Variants in STK38L observed in about 807,000 individuals in gnomAD.
STK38L encodes serine/threonine kinase 38 like.
In STK38L, 28 loss-of-function variants were observed where a neutral mutation model predicts 59.7. The observed-to-expected ratio is 0.47, with a 90% CI of 0.35 to 0.64. The LOEUF is 0.64. Among genes scored for constraint, STK38L ranks in the 30% least tolerant of loss-of-function variants. The pLI is 0.01. For missense variants in STK38L, 314 were observed against 555.8 expected, an observed-to-expected ratio of 0.56 and a Z score of 4.37; for synonymous variants, 162 against 176.8, an observed-to-expected ratio of 0.92 and a Z score of 0.66.
At chr12:27,296,903 G>A (rs1944038631) in intron 1 of STK38L, 2 of 152,192 alleles carry the variant, frequency 1.3e-5, no homozygotes, top group South Asian at 4.1e-4. Context: ...GCGTGGCCCA[G>A]TGATCTCTAA....
chr12:27,284,067 C>T (rs907610901), intron 1 of STK38L, among the ~76,000 whole-genome samples: 8 of 152,200 alleles, frequency 5.3e-5, no homozygotes, highest in African/African-American at 1.4e-4. Flanking sequence ...CTTTGGTCAT[C>T]CGAAGAAAGC....
intron 3 of STK38L, among the ~76,000 whole-genome samples, chr12:27,306,317 C>A (rs796394718): frequency 1.8e-4 from 27 of 151,804 alleles, no homozygotes; most frequent in African/African-American, 5.8e-4. Flanking sequence ...GGGAGAGATT[C>A]AAAATACTTT....
intron 1 of STK38L, among the ~76,000 whole-genome samples, chr12:27,244,763 T>A (rs1942813398): frequency 6.6e-6 from 1 of 152,196 alleles, no homozygotes; most frequent in Non-Finnish European, 1.5e-5. Context: ...TTGTGGGGGC[T>A]GTTTGTGTAC....
chr12:27,320,525 C>G (rs1565558938), intron 12 of STK38L, among the ~76,000 whole-genome samples: 1 of 142,992 alleles, frequency 7.0e-6, no homozygotes, highest in Non-Finnish European at 1.5e-5. Context: ...CTCCTGAGCT[C>G]AAGCGATCCA....
intron 1 of STK38L, among the ~76,000 whole-genome samples, chr12:27,275,609 GATTAC>G (rs1420943301): frequency 6.6e-6 from 1 of 152,160 alleles, no homozygotes; most frequent in Non-Finnish European, 1.5e-5. Context: ...AAACTGTTGG[GATTAC>G]AGGCATGAGC....
At chr12:27,285,252 TTAAAA>T (rs1289985172) in intron 1 of STK38L, among the ~76,000 whole-genome samples, 1 of 152,096 alleles carries the variant, frequency 6.6e-6, no homozygotes, top group African/African-American at 2.4e-5. Context: ...AATTTAAAAA[TTAAAA>T]TTAAGAAATA....
chr12:27,307,023 C>G (rs1944334686), intron 3 of STK38L, among the ~76,000 whole-genome samples: 1 of 152,148 alleles, frequency 6.6e-6, no homozygotes. Flanking sequence ...GCCACCACAC[C>G]CGGCTTATCG....
At chr12:27,283,711 T>C (rs1565536249) in intron 1 of STK38L, among the ~76,000 whole-genome samples, 2 of 152,226 alleles carry the variant, frequency 1.3e-5, no homozygotes, top group Admixed American at 6.5e-5. Context: ...GCAGAAAATA[T>C]CCAGTTTGGA....
chr12:27,268,438 T>G (rs1040086590), intron 1 of STK38L, among the ~76,000 whole-genome samples: 22 of 152,290 alleles, frequency 1.4e-4, no homozygotes, highest in Admixed American at 2.0e-4. Context: ...TCCCTACAAA[T>G]GACATGAACT....
chr12:27,262,187 C>A (rs1943215582), intron 1 of STK38L, among the ~76,000 whole-genome samples: 1 of 148,368 alleles, frequency 6.7e-6, no homozygotes, highest in Non-Finnish European at 1.5e-5. Context: ...TCACAATAGT[C>A]CCTTCTCTTA....
At chr12:27,316,457 C>T (rs916722633) in intron 9 of STK38L, among the ~76,000 whole-genome samples, 1 of 152,174 alleles carries the variant, frequency 6.6e-6, no homozygotes, top group Middle Eastern at 3.2e-3. Context: ...TTATTATTCT[C>T]ATGGCCAGTA....
At chr12:27,277,060 T>A (rs115808599) in intron 1 of STK38L, among the ~76,000 whole-genome samples, 1,778 of 152,302 alleles carry the variant, frequency 0.012, 39 homozygotes, top group African/African-American at 0.04. Context: ...CTTCTAAATA[T>A]GTATAACCCA....
chr12:27,265,026 G>A (rs917090752), intron 1 of STK38L, among the ~76,000 whole-genome samples: 6 of 152,174 alleles, frequency 3.9e-5, no homozygotes, highest in African/African-American at 1.2e-4. Flanking sequence ...TTCATGCACA[G>A]CTTCTAATAG....
At chr12:27,273,620 T>TA (rs1943470686) in intron 1 of STK38L, among the ~76,000 whole-genome samples, 1 of 152,210 alleles carries the variant, frequency 6.6e-6, no homozygotes, top group South Asian at 2.1e-4. Context: ...AACAGAGTGT[T>TA]AGCATTTAAT....
intron 5 of STK38L, among the ~76,000 whole-genome samples, chr12:27,309,937 G>A (rs1252520169): frequency 1.3e-5 from 2 of 152,196 alleles, no homozygotes; most frequent in African/African-American, 4.8e-5. Flanking sequence ...TGTTTCCTGT[G>A]CCTTAATGCA....
Position 27,288,542 on chromosome 12 carries a change from C to T in STK38L, c.-11-9168C>T, listed in dbSNP as rs568565914. ...CCACAATTCAGAGCCATAGTTTAAA[C>T]CTGTTGGCCCCAAATTCTCTAGATC... On this transcript the variant is annotated intron_variant, in intron 1 of 13. Transcript: ENST00000389032. Among the ~76,000 whole-genome samples, 4 of 152,140 alleles carry T rather than the reference C, an allele frequency of 2.6e-5. No homozygotes were observed. The South Asian group carries it at 8.3e-4, about 32-fold the overall frequency.
intron 1 of STK38L, among the ~76,000 whole-genome samples, chr12:27,279,771 GT>G (rs1445778501): frequency 6.6e-6 from 1 of 151,128 alleles, no homozygotes; most frequent in Non-Finnish European, 1.5e-5. Context: ...TTTCCACACG[GT>G]TTATAATGAA....
chr12:27,279,532 C>T (rs1943607408), intron 1 of STK38L, among the ~76,000 whole-genome samples: 1 of 152,042 alleles, frequency 6.6e-6, no homozygotes, highest in Non-Finnish European at 1.5e-5. Context: ...CAAGACCACC[C>T]TGGCCAACAT....
intron 1 of STK38L, among the ~76,000 whole-genome samples, chr12:27,268,198 T>C (rs575464864): frequency 1.8e-4 from 27 of 150,954 alleles, no homozygotes; most frequent in African/African-American, 6.2e-4. Context: ...ACATGTGCCA[T>C]GTTGGTGTGC....
Sources: allele counts gnomAD v4.1 joint callset (sites outside exome capture counted in the v4.1 genomes callset), GRCh38; gene constraint gnomAD v4.1.1; transcripts MANE v1.5; gene names NCBI Gene and HGNC (gene_info 2026-07-23, HGNC 2026-07-21).